Variants in ERBB4 observed in about 807,000 individuals in gnomAD.
ERBB4 encodes erb-b2 receptor tyrosine kinase 4, also known as receptor tyrosine-protein kinase erbB-4.
Under a neutral mutation model 158.0 loss-of-function variants are expected in ERBB4, and 42 were observed. The ratio of observed to expected loss-of-function variants is 0.27; its 90% confidence interval spans 0.21 to 0.34. The LOEUF (loss-of-function observed/expected upper bound fraction) is 0.34. ERBB4 is among the 10% of genes least tolerant of loss of function. ERBB4 has a pLI of 1.00. For synonymous variants in ERBB4, 583 were observed against 558.7 expected (o/e 1.04, Z -0.61); for missense variants, 1,333 against 1,624.1 (o/e 0.82, Z 3.08).
intron 20 of ERBB4, among the ~76,000 whole-genome samples, chr2:211,545,026 ACC>A (rs2066906292): frequency 6.6e-6 from 1 of 152,034 alleles, no homozygotes; most frequent in Non-Finnish European, 1.5e-5. Context: ...TACACAAAGG[ACC>A]TTTGGCTGTA....
intron 3 of ERBB4, among the ~76,000 whole-genome samples, chr2:211,852,973 T>C (rs1445113879): frequency 1.3e-5 from 2 of 152,060 alleles, no homozygotes; most frequent in East Asian, 1.9e-4. Flanking sequence ...ATTTTTCATG[T>C]GACTGTTGTT....
At chr2:211,795,179 G>T (rs1194863839) in intron 3 of ERBB4, among the ~76,000 whole-genome samples, 1 of 151,824 alleles carries the variant, frequency 6.6e-6, no homozygotes, top group Non-Finnish European at 1.5e-5. Context: ...GAGACAGGTG[G>T]TAGGGGAGAG....
At chr2:211,432,332 A>G (rs1446201999) in intron 20 of ERBB4, among the ~76,000 whole-genome samples, 1 of 152,192 alleles carries the variant, frequency 6.6e-6, no homozygotes, top group East Asian at 1.9e-4. Context: ...GTGTAGTGTA[A>G]AGAGAAGATT....
chr2:212,043,106 T>G (rs2125376892), intron 2 of ERBB4, among the ~76,000 whole-genome samples: 1 of 152,288 alleles, frequency 6.6e-6, no homozygotes, highest in East Asian at 1.9e-4. Context: ...TTTAGGACTG[T>G]TAGTACCTTT....
chr2:212,081,225 G>C (rs1658030640), intron 2 of ERBB4, among the ~76,000 whole-genome samples: 1 of 152,108 alleles, frequency 6.6e-6, no homozygotes, highest in African/African-American at 2.4e-5. Flanking sequence ...TAGGTGTGTG[G>C]TGTCCCAGTG....
intron 25 of ERBB4, among the ~76,000 whole-genome samples, chr2:211,412,287 C>T (rs1231871994): frequency 1.3e-5 from 2 of 152,070 alleles, no homozygotes; most frequent in Non-Finnish European, 2.9e-5. Flanking sequence ...TAAAAAGTAA[C>T]AAAAACACAT....
At chr2:211,745,627 AT>A (rs2074941935) in intron 5 of ERBB4, among the ~76,000 whole-genome samples, 1 of 150,616 alleles carries the variant, frequency 6.6e-6, no homozygotes, top group Middle Eastern at 3.2e-3. Context: ...ATCGGCTATT[AT>A]TGATTGGGTT....
intron 2 of ERBB4, among the ~76,000 whole-genome samples, chr2:212,042,635 TA>T (rs2077168068): frequency 6.6e-6 from 1 of 152,128 alleles, no homozygotes; most frequent in Non-Finnish European, 1.5e-5. Context: ...TAAGTGCCTA[TA>T]ATCTTTCTTT....
intron 1 of ERBB4, among the ~76,000 whole-genome samples, chr2:212,492,218 A>G (rs1177137198): frequency 2.0e-5 from 3 of 151,446 alleles, no homozygotes; most frequent in Admixed American, 6.6e-5. Context: ...GATTATCTAT[A>G]TCTTCACCAA....
At chr2:211,823,972 G>A (rs1383196567) in intron 3 of ERBB4, among the ~76,000 whole-genome samples, 1 of 152,010 alleles carries the variant, frequency 6.6e-6, no homozygotes, top group African/African-American at 2.4e-5. Context: ...TGGACAACAT[G>A]AATAAAAATT....
At chr2:211,499,744 T>G (rs1323692210) in intron 20 of ERBB4, among the ~76,000 whole-genome samples, 1 of 152,102 alleles carries the variant, frequency 6.6e-6, no homozygotes, top group Non-Finnish European at 1.5e-5. Context: ...GTATTTTGCT[T>G]TGCTCTTTCT....
intron 1 of ERBB4, among the ~76,000 whole-genome samples, chr2:212,232,431 CAG>C (rs1270368744): frequency 2.0e-5 from 3 of 152,044 alleles, no homozygotes; most frequent in African/African-American, 7.2e-5. Flanking sequence ...TATTTTGAGA[CAG>C]AGTCTTGCTC....
At chr2:211,657,866 T>A (rs754685448) in intron 15 of ERBB4, 38 bp from the exon 16 acceptor site, 4 of 1,607,874 alleles carry the variant, frequency 2.5e-6, no homozygotes, top group Admixed American at 1.7e-5. Flanking sequence ...TCATTCTCCA[T>A]CCACAGTGAC....
chr2:212,047,639 ATTT>A (rs377248079), intron 2 of ERBB4, among the ~76,000 whole-genome samples: 1 of 135,572 alleles, frequency 7.4e-6, no homozygotes, highest in Non-Finnish European at 1.6e-5. Flanking sequence ...CACTTGGCTA[ATTT>A]TTTTTTTTTT....
At chr2:212,204,913 G>C (rs1295057277) in intron 1 of ERBB4, among the ~76,000 whole-genome samples, 4 of 150,210 alleles carry the variant, frequency 2.7e-5, no homozygotes, top group African/African-American at 9.8e-5. Context: ...CTGCCTCCCG[G>C]GTTCAAACGA....
chr2:212,527,688 T>A (rs1252028091), intron 1 of ERBB4, among the ~76,000 whole-genome samples: 3 of 144,432 alleles, frequency 2.1e-5, no homozygotes, highest in African/African-American at 8.1e-5. Context: ...GATCCCCAAA[T>A]CTTTTATTTA....
intron 1 of ERBB4, among the ~76,000 whole-genome samples, chr2:212,128,613 C>G (rs1052873480): frequency 3.3e-5 from 5 of 152,130 alleles, no homozygotes; most frequent in Non-Finnish European, 7.4e-5. Context: ...ATTGGCCCCA[C>G]CTGCTAAAAT....
At chr2:212,116,105 A>G (rs1259136649) in intron 2 of ERBB4, among the ~76,000 whole-genome samples, 1 of 151,930 alleles carries the variant, frequency 6.6e-6, no homozygotes, top group Non-Finnish European at 1.5e-5. Flanking sequence ...GAAACATTAT[A>G]TAAGGTTAAT....
chr2:211,562,059 A>C lies in ERBB4; in HGVS notation c.2331T>G (p.His777Gln), dbSNP rs2067410048. Reference protein sequence around the residue: ...DEALIMASMDHPHLVRLLGVC... With the variant: ...DEALIMASMDQPHLVRLLGVC... ...CACCCAGCAACCGGACTAGGTGTGG[A>C]TGATCCATACTTGCCATGATCAGAG... The change falls in exon 20 of 28, where the codon CAT (histidine) becomes CAG (glutamine). Residue 777 changes from histidine to glutamine, a missense_variant. By Grantham distance (24) the His-to-Gln change is conservative. Transcript: ENST00000342788. The C allele has an allele frequency of 6.2e-7, 1 of 1,613,778 alleles. No homozygotes were observed. Among genetic ancestry groups the C allele is most frequent in the Admixed American group, 1.7e-5 (1 of 60,006 alleles).
Sources: allele counts gnomAD v4.1 joint callset (sites outside exome capture counted in the v4.1 genomes callset), GRCh38; gene constraint gnomAD v4.1.1; transcripts MANE v1.5; gene names NCBI Gene and HGNC (gene_info 2026-07-23, HGNC 2026-07-21).